DCHS2: variants seen among roughly 807,000 people sequenced by gnomAD.
The protein encoded by DCHS2 is protocadherin-23.
DCHS2 carries 142 observed loss-of-function variants against 182.4 expected under a neutral mutation model. The ratio of observed to expected loss-of-function variants is 0.78; its 90% confidence interval spans 0.68 to 0.89. The LOEUF (loss-of-function observed/expected upper bound fraction) is 0.89. Ranked by LOEUF, DCHS2 falls within the 40% of genes least tolerant of loss-of-function variation. The pLI, the probability that DCHS2 is intolerant of heterozygous loss-of-function variation, is 0.00. For missense variants in DCHS2, 4,319 were observed against 4,198.6 expected (o/e 1.03, Z -0.79); for synonymous variants, 1,740 against 1,663.3 (o/e 1.05, Z -1.12).
rs1728606833 is a variant in DCHS2 at position 154,333,397 on chromosome 4, G to C, written c.2811C>G (p.Pro937=). The C allele has an allele frequency of 1.2e-6, 2 of 1,614,134 alleles. No homozygotes were observed. Among genetic ancestry groups the C allele is most frequent in the East Asian group, 4.5e-5 (2 of 44,878 alleles). The change falls in exon 5 of 20, where the codon CCC becomes CCG. Residue 937 remains proline (P), a synonymous_variant. Coordinates refer to ENST00000357232, the MANE Select transcript of DCHS2 (RefSeq NM_001358235.2). ...CCACGGGCTGCGTCTCGTGATCCAG[G>C]GGCTTCCGGGTGCGAATAGTGCCCA... ...PRLGTIRTRK[P]LDHETQPVVV...
chr4:154,311,528 C>G (rs1387316162), intron 10 of DCHS2, among the ~76,000 whole-genome samples: 1 of 152,154 alleles, frequency 6.6e-6, no homozygotes, highest in African/African-American at 2.4e-5. Context: ...AGCCACCGTG[C>G]CCAGCCAAGA....
intron 1 of DCHS2, among the ~76,000 whole-genome samples, chr4:154,420,339 G>A (rs1218425712): frequency 1.3e-5 from 2 of 152,134 alleles, no homozygotes; most frequent in Non-Finnish European, 2.9e-5. Context: ...ATGGATGTGA[G>A]AGAATTTATC....
At chr4:154,420,099 A>C (rs1386278263) in intron 1 of DCHS2, among the ~76,000 whole-genome samples, 1 of 152,170 alleles carries the variant, frequency 6.6e-6, no homozygotes. Context: ...TTAAAATAAC[A>C]GCCATGGGGG....
chr4:154,490,672 C>T lies in DCHS2; in HGVS notation c.684G>A (p.Pro228=), dbSNP rs992642806. ...GCAAAAGCGGTGACGGTAGTGGCCCCGGAGTCCGGTAGCGCAACTGGAAGA... is the reference window on the plus strand; with the variant it reads ...GCAAAAGCGGTGACGGTAGTGGCCCTGGAGTCCGGTAGCGCAACTGGAAGA... ...GPFFQLRYRT[P]GPLPSPLLPG... is the part of the protein sequence containing the mutation. Residue 228 remains proline, a synonymous_variant, in exon 1 of 20, where the codon CCG becomes CCA. Coordinates refer to ENST00000357232, the MANE Select transcript of DCHS2 (RefSeq NM_001358235.2). The T allele has an allele frequency of 6.4e-7, 1 of 1,551,566 alleles. No homozygotes were observed. The highest frequency in any genetic ancestry group is 8.7e-7 in the Non-Finnish European group (1 of 1,146,926).
chr4:154,343,809 C>T (rs147911522), intron 3 of DCHS2, among the ~76,000 whole-genome samples: 1,619 of 152,256 alleles, frequency 0.011, 20 homozygotes, highest in Non-Finnish European at 0.018. Flanking sequence ...ACTTTTAATT[C>T]CCTTCAAGAA....
rs561614366 is a variant in DCHS2 at position 154,395,199 on chromosome 4, A to G, written c.2053-17755T>C. On this transcript the variant is annotated intron_variant, in intron 1 of 19. Transcript: ENST00000357232. ...CATTAAGGGCATTATTAATAACATC[A>G]TTAAGTATGAGTACCACATAGTCTT... 1.3e-3 allele frequency among the ~76,000 whole-genome samples: 196 copies of G among 152,324 alleles called. 2 individuals are homozygous for G. Among genetic ancestry groups the G allele is most frequent in the African/African-American group, 4.4e-3 (181 of 41,584 alleles).
chr4:154,287,307 T>C (rs1734447976), intron 13 of DCHS2, among the ~76,000 whole-genome samples: 1 of 152,102 alleles, frequency 6.6e-6, no homozygotes, highest in Non-Finnish European at 1.5e-5. Context: ...AAACACAGAA[T>C]ATTATAACAC....
intron 1 of DCHS2, among the ~76,000 whole-genome samples, chr4:154,453,657 G>T (rs115293172): frequency 6.6e-6 from 1 of 151,964 alleles, no homozygotes; most frequent in Admixed American, 6.6e-5. Context: ...GTCTCTTCCT[G>T]CCCAACCTCC....
At chr4:154,360,428 A>G (rs1730065165) in intron 3 of DCHS2, among the ~76,000 whole-genome samples, 1 of 152,078 alleles carries the variant, frequency 6.6e-6, no homozygotes, top group South Asian at 2.1e-4. Context: ...ATTCTCTAAC[A>G]TGCTTTTGTT....
intron 1 of DCHS2, among the ~76,000 whole-genome samples, chr4:154,424,135 T>C (rs572949070): frequency 1.2e-4 from 18 of 152,302 alleles, no homozygotes; most frequent in Non-Finnish European, 1.8e-4. Context: ...GCATCCTTGG[T>C]CTGACTTATG....
In DCHS2 at chr4:154,329,721, CAGAGCAGA is replaced by C. The variant is rs1561046425; in HGVS notation, c.3731-19_3731-12del. On this transcript the variant is annotated splice_polypyrimidine_tract_variant and intron_variant, in intron 5 of 19. Coordinates refer to ENST00000357232, the MANE Select transcript of DCHS2 (RefSeq NM_001358235.2). ...AATTGATTAACTCTCCTGCAGAGTA[CAGAGCAGA>C]ACAAGACACAGGCACTGTGTACCAG... 3 of 1,605,800 alleles carry C rather than the reference CAGAGCAGA, an allele frequency of 1.9e-6. No homozygotes were observed. Among genetic ancestry groups the C allele is most frequent in the Non-Finnish European group, 2.6e-6 (3 of 1,174,932 alleles).
At chr4:154,281,172 C>T (rs956450933) in intron 13 of DCHS2, among the ~76,000 whole-genome samples, 10 of 151,678 alleles carry the variant, frequency 6.6e-5, no homozygotes, top group Admixed American at 1.3e-4. Context: ...TATACAAGTC[C>T]TAGCCTGAGC....
In DCHS2 at chr4:154,342,225, G is replaced by A. The variant is rs1052855918; in HGVS notation, c.2477-7121C>T. On this transcript the variant is annotated intron_variant, in intron 3 of 19. Transcript: ENST00000357232. Reference sequence around the variant, plus strand: ...AAATATTTTATTGGTAAAAAAAAAAGTGTTAACAGTCATTTGAGATTTTAG... The same window carrying A: ...AAATATTTTATTGGTAAAAAAAAAAATGTTAACAGTCATTTGAGATTTTAG... Among the ~76,000 whole-genome samples, 14 of 139,898 alleles carry A rather than the reference G, an allele frequency of 1.0e-4. No homozygotes were observed. In the Admixed American group the frequency reaches 1.0e-3, roughly 10 times the overall value. 91.8% of individuals were successfully genotyped at this position (139,898 alleles called of 152,430 possible). A position where few individuals can be genotyped will look rare whatever the true frequency, so the allele number is the denominator to read the frequency against.
intron 1 of DCHS2, chr4:154,486,573 G>A (rs898608760): frequency 7.7e-7 from 1 of 1,294,034 alleles, no homozygotes. Flanking sequence ...ACAGTTACAA[G>A]GAATGTATGT....
At chr4:154,368,191 G>A (rs1481967278) in intron 2 of DCHS2, among the ~76,000 whole-genome samples, 2 of 152,102 alleles carry the variant, frequency 1.3e-5, no homozygotes, top group Non-Finnish European at 2.9e-5. Context: ...CTCCAGGTTC[G>A]ACGTAGTAAG....
intron 1 of DCHS2, among the ~76,000 whole-genome samples, chr4:154,451,812 C>T (rs546575461): frequency 7.9e-5 from 12 of 152,232 alleles, no homozygotes; most frequent in East Asian, 1.9e-4. Context: ...GTGACTTGGT[C>T]GTATGTTGAG....
At chr4:154,412,093 T>A (rs1020887817) in intron 1 of DCHS2, among the ~76,000 whole-genome samples, 1 of 152,266 alleles carries the variant, frequency 6.6e-6, no homozygotes, top group Admixed American at 6.5e-5. Context: ...ATGAAATAAA[T>A]TTGATTTGGT....
intron 3 of DCHS2, among the ~76,000 whole-genome samples, chr4:154,339,594 C>T (rs888572804): frequency 9.2e-5 from 14 of 151,928 alleles, no homozygotes; most frequent in Admixed American, 2.6e-4. Context: ...GGACTACAGG[C>T]GCCTACCATC....
At position 154,322,636 on chromosome 4, in the gene DCHS2, C is replaced by T. The variant is rs1283339119; in HGVS notation, c.4019-148G>A. The stretch of plus-strand genomic sequence containing the variant: ...ACACAAAAATGACACTAAAAATAGA[C>T]AAGAAACATCACTTTTTAAAAATTT... On this transcript the variant is annotated intron_variant, in intron 7 of 19. Coordinates refer to ENST00000357232, the MANE Select transcript of DCHS2 (RefSeq NM_001358235.2). The T allele has an allele frequency of 5.6e-6, 6 of 1,066,492 alleles. No homozygotes were observed. The African/African-American group carries it at 9.5e-5, about 17-fold the overall frequency. 66.1% of individuals were successfully genotyped at this position (1,066,492 alleles called of 1,614,324 possible).
Sources: gnomAD v4.1 joint callset for allele counts (sites outside exome capture counted in the v4.1 genomes callset) on GRCh38, gnomAD v4.1.1 for gene constraint, MANE v1.5 for transcripts, NCBI Gene and HGNC (gene_info 2026-07-23, HGNC 2026-07-21) for gene names.